CCDC30: variants seen among roughly 807,000 people sequenced by gnomAD.
CCDC30 encodes coiled-coil domain containing 30, also known as coiled-coil domain-containing protein 30.
A neutral mutation model predicts 100.2 loss-of-function variants in CCDC30; 70 were observed. The ratio of observed to expected loss-of-function variants is 0.70; its 90% CI spans 0.58 to 0.85. CCDC30 has a LOEUF of 0.85. Ranked by LOEUF, CCDC30 falls within the 40% of genes least tolerant of loss-of-function variation. The pLI is 0.00. For synonymous variants in CCDC30, 233 were observed against 269.5 expected, an observed-to-expected ratio of 0.86 and a Z score of 1.33; for missense variants, 652 against 771.2, an observed-to-expected ratio of 0.85 and a Z score of 1.83.
rs72661309 is a variant in CCDC30 at position 42,596,094 on chromosome 1, G to T, written c.1164+6611G>T. Among the ~76,000 whole-genome samples, 1 of 152,152 alleles carries T rather than the reference G, an allele frequency of 6.6e-6. No homozygotes were observed. Among genetic ancestry groups the T allele is most frequent in the Non-Finnish European group, 1.5e-5 (1 of 68,022 alleles). On this transcript the variant is annotated intron_variant, in intron 10 of 16. Transcript: ENST00000668663. The surrounding 1 kb of genome is among the most constrained non-coding windows in gnomAD (Gnocchi z 4.3). The stretch of plus-strand genomic sequence containing the variant: ...AGGTCACAGTCCAAACCGCTACCCC[G>T]AAAATTAGAGATACCTATAGACAAA...
At chr1:42,651,994 C>T (rs1648390930) in intron 15 of CCDC30, among the ~76,000 whole-genome samples, 1 of 152,106 alleles carries the variant, frequency 6.6e-6, no homozygotes, top group African/African-American at 2.4e-5. Context: ...GGAGTTTCCC[C>T]AACAAAGTGA....
intron 11 of CCDC30, among the ~76,000 whole-genome samples, chr1:42,618,021 G>A (rs1351813331): frequency 6.6e-6 from 1 of 152,162 alleles, no homozygotes; most frequent in East Asian, 1.9e-4. Context: ...GTAAGATGGA[G>A]TTAGTTAGGT....
At chr1:42,577,084 T>C in exon 8 of CCDC30, 1 of 1,614,100 alleles carries the variant, frequency 6.2e-7, no homozygotes, top group Non-Finnish European at 8.5e-7. Context: ...TGCTCTTCAC[T>C]CACGGCAGAG....
chr1:42,648,910 T>C (rs573963944), intron 15 of CCDC30, among the ~76,000 whole-genome samples: 2 of 152,042 alleles, frequency 1.3e-5, no homozygotes, highest in South Asian at 4.1e-4. Context: ...TTAGAGACTA[T>C]TATGAATAAC....
At chr1:42,599,355 G>T (rs1340885926) in intron 10 of CCDC30, among the ~76,000 whole-genome samples, 1 of 152,068 alleles carries the variant, frequency 6.6e-6, no homozygotes, top group Non-Finnish European at 1.5e-5. Flanking sequence ...AGTGGACTTG[G>T]GTTAGTTGTA....
At chr1:42,527,157 C>T (rs1644734879) in intron 6 of CCDC30, among the ~76,000 whole-genome samples, 2 of 152,322 alleles carry the variant, frequency 1.3e-5, no homozygotes, top group South Asian at 4.1e-4. Context: ...TGGGTCAATA[C>T]ATAATGTCCT....
intron 6 of CCDC30, among the ~76,000 whole-genome samples, chr1:42,532,691 G>A (rs1294132696): frequency 6.6e-6 from 1 of 152,184 alleles, no homozygotes; most frequent in East Asian, 1.9e-4. Flanking sequence ...ATTTACTTTT[G>A]TGCAGGGGGG....
At chr1:42,629,452 C>T (rs1485088286) in intron 11 of CCDC30, among the ~76,000 whole-genome samples, 1 of 152,038 alleles carries the variant, frequency 6.6e-6, no homozygotes, top group Admixed American at 6.6e-5. Context: ...CTTTTAGTAT[C>T]TTTTATTTTT....
At chr1:42,497,565 G>T (rs920615403) in intron 5 of CCDC30, among the ~76,000 whole-genome samples, 1 of 150,430 alleles carries the variant, frequency 6.6e-6, no homozygotes, top group Non-Finnish European at 1.5e-5. Flanking sequence ...ATCTTTAACT[G>T]TTTATATTTT....
intron 4 of CCDC30, among the ~76,000 whole-genome samples, chr1:42,494,093 C>T (rs980592689): frequency 1.3e-5 from 2 of 152,142 alleles, no homozygotes; most frequent in African/African-American, 4.8e-5. Flanking sequence ...ATCATGCTAC[C>T]TGACTTCAAA....
intron 6 of CCDC30, among the ~76,000 whole-genome samples, chr1:42,517,976 A>C (rs1281726226): frequency 1.3e-5 from 2 of 152,128 alleles, no homozygotes; most frequent in Non-Finnish European, 2.9e-5. Context: ...GCTCTGTACA[A>C]ATTTTAGGAT....
In CCDC30 at chr1:42,501,582, G is replaced by A. The variant is rs557746769; in HGVS notation, c.456+2666G>A. Among the ~76,000 whole-genome samples the A allele has an allele frequency of 1.4e-4, 22 of 152,234 alleles. No individual in the cohort carries two copies. The East Asian group carries it at 4.1e-3, about 28-fold the overall frequency. On this transcript the variant is annotated intron_variant, in intron 6 of 16. Transcript: ENST00000668663. ...TGCTCTGGTTTCTCCCCATCTTTGT[G>A]GTTTTATCTACCTTTGGTCTTTGAT...
At chr1:42,589,723 A>G (rs887287523) in intron 10 of CCDC30, 6 of 310,596 alleles carry the variant, frequency 1.9e-5, no homozygotes, top group Non-Finnish European at 3.5e-5. Flanking sequence ...CTAGCTTTCA[A>G]TAAATCCAGA....
chr1:42,546,435 T>G (rs1645145474), intron 6 of CCDC30, among the ~76,000 whole-genome samples: 1 of 102,346 alleles, frequency 9.8e-6, no homozygotes, highest in Non-Finnish European at 2.0e-5. Context: ...TATATATATA[T>G]ATATATAGTA....
At chr1:42,460,444 TATA>T (rs1643380067), upstream of CCDC30, 1 of 928,976 alleles carries the variant, frequency 1.1e-6, no homozygotes, top group Non-Finnish European at 1.3e-6. Context: ...ATTTATCAAA[TATA>T]GTAGTAGGAA....
intron 12 of CCDC30, among the ~76,000 whole-genome samples, chr1:42,642,098 C>A (rs1283780715): frequency 2.0e-5 from 3 of 151,584 alleles, no homozygotes; most frequent in Non-Finnish European, 4.4e-5. Flanking sequence ...TAGTGGTGGG[C>A]ACCTGTAGTC....
At chr1:42,579,304 GA>G (rs1645910866) in intron 8 of CCDC30, among the ~76,000 whole-genome samples, 1 of 150,992 alleles carries the variant, frequency 6.6e-6, no homozygotes, top group South Asian at 2.1e-4. Context: ...TTATTTTTAA[GA>G]AAGGAAAGGA....
chr1:42,518,282 A>T (rs146509704), intron 6 of CCDC30, among the ~76,000 whole-genome samples: 1 of 152,160 alleles, frequency 6.6e-6, no homozygotes, highest in Non-Finnish European at 1.5e-5. Flanking sequence ...TTGTTAGAGT[A>T]TAGAAATGCA....
downstream of CCDC30, among the ~76,000 whole-genome samples, chr1:42,654,827 C>G (rs1373112767): frequency 6.6e-6 from 1 of 151,408 alleles, no homozygotes; most frequent in Non-Finnish European, 1.5e-5. Context: ...ATTCTCCTGC[C>G]TCAGCCTCCC....
Sources: allele counts gnomAD v4.1 joint callset (sites outside exome capture counted in the v4.1 genomes callset), GRCh38; gene constraint gnomAD v4.1.1; non-coding constraint Gnocchi (gnomAD v3.1); transcripts MANE v1.5; gene names NCBI Gene and HGNC (gene_info 2026-07-23, HGNC 2026-07-21).